The following NOL9 variants were observed in gnomAD, a reference collection of about 807,000 sequenced individuals.
The protein encoded by NOL9 is nucleolar protein 9.
In NOL9, 28 loss-of-function variants were observed where a neutral mutation model predicts 67.9. The observed-to-expected ratio is 0.41, with a 90% CI of 0.31 to 0.57. The LOEUF (loss-of-function observed/expected upper bound fraction) is 0.57, where lower values mean the gene tolerates loss of function less well. Among genes scored for constraint, NOL9 ranks in the 20% least tolerant of loss-of-function variants. The pLI is 0.25. For synonymous variants in NOL9, 356 were observed against 352.2 expected (o/e 1.01, Z -0.12); for missense variants, 777 against 897.0 (o/e 0.87, Z 1.71).
chr1:6,526,651 A>G, intron 11 of NOL9, 45 bp downstream of exon 11: 1 of 1,560,658 alleles, frequency 6.4e-7, no homozygotes, highest in Admixed American at 1.9e-5. Flanking sequence ...ACTTCTGTGG[A>G]CCTGAGTAGG....
At chr1:6,530,633 C>G (rs1002999461) in intron 9 of NOL9, among the ~76,000 whole-genome samples, 1 of 152,254 alleles carries the variant, frequency 6.6e-6, no homozygotes, top group Non-Finnish European at 1.5e-5. Flanking sequence ...CTGGAGCCCA[C>G]ACCACCATCG....
Position 6,527,195 on chromosome 1 carries a change from C to A in NOL9, c.1826-366G>T, listed in dbSNP as rs1418652460. Among the ~76,000 whole-genome samples the A allele has an allele frequency of 5.3e-5, 8 of 150,120 alleles. No homozygotes were observed. In the South Asian group the frequency reaches 1.5e-3, roughly 28 times the overall value. ...CCGGGAGGTGGAGCTTGCAGTGAGC[C>A]GAGATGGCGCCACTGTACTCCAGCC... On this transcript the variant is annotated intron_variant, in intron 10 of 11. Transcript: ENST00000377705.
rs1638809943 is a variant in NOL9 at position 6,523,245 on chromosome 1, A to G, written c.*2609T>C. The G allele has an allele frequency of 1.3e-5, 2 of 152,180 alleles. No homozygotes were observed. The highest frequency in any genetic ancestry group is 4.1e-4 in the South Asian group (2 of 4,822). The allele number at this position is 152,180 out of a possible 1,614,324, so 9.4% of individuals were successfully genotyped here. ...TGACCCATAACAGACTGTGGAAATG[A>G]TAAAAAGTCCAATCTTGTCCTTCTT... On this transcript the variant is annotated 3_prime_UTR_variant, in exon 12 of 12. Transcript: ENST00000377705.
At chr1:6,528,871 T>A in intron 10 of NOL9, 123 bp downstream of exon 10, 1 of 900,504 alleles carries the variant, frequency 1.1e-6, no homozygotes, top group Non-Finnish European at 1.7e-6. Context: ...GCTATATAGA[T>A]GAGTGGGGGT....
At chr1:6,544,980 A>G (rs1639388274) in intron 4 of NOL9, 58 bp from the exon 5 acceptor site, 1 of 1,614,090 alleles carries the variant, frequency 6.2e-7, no homozygotes. Flanking sequence ...GACTCGAATT[A>G]TGACTAATCT....
chr1:6,538,121 T>C (rs970180787), intron 6 of NOL9, among the ~76,000 whole-genome samples: 3 of 151,442 alleles, frequency 2.0e-5, no homozygotes, highest in Non-Finnish European at 4.4e-5. Flanking sequence ...GAGACAATCA[T>C]GATGACATTG....
chr1:6,535,772 C>T (rs1314564491), intron 6 of NOL9, among the ~76,000 whole-genome samples: 1 of 151,744 alleles, frequency 6.6e-6, no homozygotes, highest in African/African-American at 2.4e-5. Flanking sequence ...ACTAAAAATA[C>T]AAAAAATTAG....
chr1:6,551,020 A>C (rs1342683284), intron 1 of NOL9, among the ~76,000 whole-genome samples: 1 of 152,202 alleles, frequency 6.6e-6, no homozygotes, highest in Non-Finnish European at 1.5e-5. Context: ...ACACATCAAA[A>C]GGCAGGTAAG....
At chr1:6,544,608 G>T (rs919603774) in intron 5 of NOL9, among the ~76,000 whole-genome samples, 3 of 127,554 alleles carry the variant, frequency 2.4e-5, no homozygotes, top group Admixed American at 1.1e-4. Context: ...GTCTCCTCTT[G>T]GAAGTCTGCC....
intron 8 of NOL9, 96 bp downstream of exon 8, chr1:6,532,367 G>T: frequency 8.6e-7 from 1 of 1,159,144 alleles, no homozygotes; most frequent in Non-Finnish European, 1.2e-6. Flanking sequence ...GGGACCTGAA[G>T]ATCTTAGAGG....
In NOL9 at chr1:6,552,690, G is replaced by A. The variant is rs546754989; in HGVS notation, c.396+1417C>T. Among the ~76,000 whole-genome samples the A allele has an allele frequency of 7.7e-4, 115 of 150,090 alleles. 1 individual carries two copies. The highest frequency in any genetic ancestry group is 2.7e-3 in the African/African-American group (111 of 40,824). The stretch of plus-strand genomic sequence containing the variant: ...TCGCCATATTGGCCAGGCTGGTCTC[G>A]AACTCGCTACCTCAGGTGATCCACC... On this transcript the variant is annotated intron_variant, in intron 1 of 11. Coordinates refer to ENST00000377705, the MANE Select transcript of NOL9 (RefSeq NM_024654.5).
intron 6 of NOL9, among the ~76,000 whole-genome samples, chr1:6,540,345 A>G (rs984658767): frequency 6.6e-6 from 1 of 151,610 alleles, no homozygotes; most frequent in East Asian, 2.0e-4. Context: ...GATGGTCTCG[A>G]TCTCCTAACC....
rs749892459 is a variant in NOL9 at position 6,544,940 on chromosome 1, A to C, written c.881-18T>G. 6.2e-7 allele frequency: 1 copy of C among 1,614,172 alleles called. No individual in the cohort carries two copies. The highest frequency in any genetic ancestry group is 1.1e-5 in the South Asian group (1 of 91,082). On this transcript the variant is annotated intron_variant, in intron 4 of 11. Coordinates refer to ENST00000377705, the MANE Select transcript of NOL9 (RefSeq NM_024654.5). ...TACTTCTTCTGAATGGGAAACAAAC[A>C]TTGATCGCTAGAATTAGCCGTCTTC...
At chr1:6,526,174 C>T (rs1435919049) in intron 11 of NOL9, among the ~76,000 whole-genome samples, 171 bp from the exon 12 acceptor site, 3 of 152,120 alleles carry the variant, frequency 2.0e-5, no homozygotes, top group East Asian at 1.9e-4. Flanking sequence ...TCAACTGGCT[C>T]GGTAACAAAC....
chr1:6,550,683 CTT>C (rs34186512), intron 1 of NOL9, 68 bp from the exon 2 acceptor site: 5,551 of 591,912 alleles, frequency 9.4e-3, no homozygotes, highest in Middle Eastern at 0.013. Context: ...ATTCTAAAAT[CTT>C]TTTTTTTTTT....
chr1:6,554,463 G>T lies in NOL9; in HGVS notation c.40C>A (p.Arg14Ser), dbSNP rs1247361229. 6.4e-7 allele frequency: 1 copy of T among 1,551,112 alleles called. No homozygotes were observed. ...SGLLLKRGSC[R>S]STWLRVRKAR... ...TTGCGGACCCGCAGCCAAGTGGAAC[G>T]GCAGGAACCCCGCTTTAGCAGCAGT... Residue 14 changes from arginine to serine, a missense_variant, in exon 1 of 12, where the codon CGT becomes AGT. This residue lies in a region of NOL9 where 364 missense variants were observed against 344.4 expected (regional missense o/e 1.06). Coordinates refer to ENST00000377705, the MANE Select transcript of NOL9 (RefSeq NM_024654.5).
rs1446492432 is a variant in NOL9, at chr1:6,544,916, ACTT to A, written c.884_886del (p.Glu295del). ...AACTAGAATGACAGGGCAGCCATCT[ACTT>A]CTTCTGAATGGGAAACAAACATTGA... On this transcript the variant is annotated inframe_deletion, in exon 5 of 12. Transcript: ENST00000377705. The A allele has an allele frequency of 3.7e-6, 6 of 1,614,088 alleles. No individual in the cohort carries two copies. Among genetic ancestry groups the A allele is most frequent in the East Asian group, 2.2e-5 (1 of 44,896 alleles).
Position 6,525,538 on chromosome 1 carries a change from T to C in NOL9, c.*316A>G. 3.4e-6 allele frequency: 1 copy of C among 293,466 alleles called. No individual in the cohort carries two copies. Among genetic ancestry groups the C allele is most frequent in the East Asian group, 7.2e-5 (1 of 13,922 alleles). 18.2% of individuals were successfully genotyped at this position (293,466 alleles called of 1,614,324 possible). ...GGCCCCAGTTTCCTTATTTTTATCC[T>C]GATTCTAATAACCAGGTCCCTGAAG... On this transcript the variant is annotated 3_prime_UTR_variant, in exon 12 of 12. Coordinates refer to ENST00000377705, the MANE Select transcript of NOL9 (RefSeq NM_024654.5).
chr1:6,535,334 C>A (rs1279414502), intron 6 of NOL9, among the ~76,000 whole-genome samples: 1 of 152,194 alleles, frequency 6.6e-6, no homozygotes, highest in Non-Finnish European at 1.5e-5. Flanking sequence ...GGAAAAATAG[C>A]TCATTCCAAG....
Sources: gnomAD v4.1 joint callset for allele counts (sites outside exome capture counted in the v4.1 genomes callset) on GRCh38, gnomAD v4.1.1 for gene constraint, gnomAD v4.1.1 regional missense constraint, MANE v1.5 for transcripts, NCBI Gene and HGNC (gene_info 2026-07-23, HGNC 2026-07-21) for gene names.